Variants in FAM220A observed in about 807,000 individuals in gnomAD.
FAM220A encodes protein FAM220A.
For missense variants in FAM220A, 392 were observed against 321.6 expected, an observed-to-expected ratio of 1.22 and a Z score of -1.68; for synonymous variants, 141 against 130.7, an observed-to-expected ratio of 1.08 and a Z score of -0.54.
chr7:6,334,052 T>A (rs959702603), intron 1 of FAM220A, among the ~76,000 whole-genome samples: 1 of 151,040 alleles, frequency 6.6e-6, no homozygotes, highest in Non-Finnish European at 1.5e-5. Context: ...TTCACCATGT[T>A]AGCCAGGATG....
intron 1 of FAM220A, among the ~76,000 whole-genome samples, chr7:6,343,853 C>A (rs1208951204): frequency 1.3e-5 from 2 of 152,046 alleles, no homozygotes; most frequent in African/African-American, 4.8e-5. Flanking sequence ...CCTTATTACT[C>A]ATGAAACAGA....
intron 1 of FAM220A, among the ~76,000 whole-genome samples, chr7:6,347,886 A>G (rs374442934): frequency 1.6e-5 from 1 of 61,678 alleles, no homozygotes. Context: ...AGACCCCTTT[A>G]TTATTATTAT....
intron 1 of FAM220A, among the ~76,000 whole-genome samples, chr7:6,342,435 C>G (rs986124172): frequency 6.6e-6 from 1 of 151,852 alleles, no homozygotes; most frequent in Non-Finnish European, 1.5e-5. Flanking sequence ...ATCCCAGCTA[C>G]TCGGGAGGCA....
At position 6,348,803 on chromosome 7, in the gene FAM220A, G is replaced by A. The variant is rs1463135446; in HGVS notation, c.-312C>T. The A allele has an allele frequency of 5.0e-6, 2 of 396,074 alleles. No homozygotes were observed. The highest frequency in any genetic ancestry group is 4.1e-5 in the African/African-American group (2 of 48,456). 24.5% of individuals were successfully genotyped at this position (396,074 alleles called of 1,614,324 possible). ...CAGCCCCCCCGCCCGCCCTCTCCGC[G>A]CCGCGTCGCCCCGGCAGCTGACCCT... On this transcript the variant is annotated 5_prime_UTR_variant, in exon 1 of 2. Coordinates refer to ENST00000313324, the MANE Select transcript of FAM220A (RefSeq NM_001037163.2).
intron 1 of FAM220A, among the ~76,000 whole-genome samples, chr7:6,344,681 A>G (rs1162995025): frequency 1.3e-5 from 2 of 151,918 alleles, no homozygotes; most frequent in Non-Finnish European, 2.9e-5. Context: ...GGACTCCCAA[A>G]GTGCTGGGAT....
At chr7:6,335,916 T>C (rs982404965) in intron 1 of FAM220A, among the ~76,000 whole-genome samples, 20 of 152,038 alleles carry the variant, frequency 1.3e-4, no homozygotes, top group African/African-American at 4.6e-4. Context: ...CTCACACCTG[T>C]AATCCCAGCA....
Position 6,330,615 on chromosome 7 carries a change from G to C in FAM220A, c.540C>G (p.Gly180=). 1 of 1,614,144 alleles carries C rather than the reference G, an allele frequency of 6.2e-7. No homozygotes were observed. Among genetic ancestry groups the C allele is most frequent in the South Asian group, 1.1e-5 (1 of 91,080 alleles). The change falls in exon 2 of 2, where the codon GGC becomes GGG. Residue 180 remains glycine, a synonymous_variant. Coordinates refer to ENST00000313324, the MANE Select transcript of FAM220A (RefSeq NM_001037163.2). ...DPPSAFPKGL[G]SELEPACLHS... is the part of the protein sequence containing the mutation. ...GCAGGCAAGCGGGTTCCAACTCAGA[G>C]CCCAGACCCTTGGGAAAAGCACTTG...
At chr7:6,346,574 T>C (rs921273307) in intron 1 of FAM220A, among the ~76,000 whole-genome samples, 3 of 151,970 alleles carry the variant, frequency 2.0e-5, no homozygotes, top group Non-Finnish European at 4.4e-5. Context: ...AGAGACAGGG[T>C]TTCACCCTGT....
intron 1 of FAM220A, among the ~76,000 whole-genome samples, chr7:6,345,604 T>C (rs1438054148): frequency 6.6e-6 from 1 of 152,104 alleles, no homozygotes; most frequent in Non-Finnish European, 1.5e-5. Context: ...AACAGCATCA[T>C]GTAGCAGGTT....
intron 1 of FAM220A, among the ~76,000 whole-genome samples, chr7:6,333,735 C>G (rs1029242244): frequency 2.7e-5 from 4 of 148,232 alleles, no homozygotes; most frequent in African/African-American, 1.0e-4. Flanking sequence ...AAGTGCACTT[C>G]GAAGAGATCC....
At chr7:6,343,980 G>T (rs147544874) in intron 1 of FAM220A, among the ~76,000 whole-genome samples, 2 of 152,056 alleles carry the variant, frequency 1.3e-5, no homozygotes, top group African/African-American at 4.8e-5. Context: ...TGAACTCCCA[G>T]GCACAGGTGA....
chr7:6,344,292 A>G (rs900401012), intron 1 of FAM220A, among the ~76,000 whole-genome samples: 38 of 152,198 alleles, frequency 2.5e-4, no homozygotes, highest in African/African-American at 8.4e-4. Flanking sequence ...CAAAAACTCT[A>G]AAACCTGCAG....
chr7:6,330,314 G>T lies in FAM220A; in HGVS notation c.*61C>A, dbSNP rs145117464. The T allele has an allele frequency of 1.1e-5, 17 of 1,492,240 alleles. No homozygotes were observed. The highest frequency in any genetic ancestry group is 1.5e-5 in the Non-Finnish European group (16 of 1,099,758). 92.4% of individuals were successfully genotyped at this position (1,492,240 alleles called of 1,614,324 possible). A position where few individuals can be genotyped will look rare whatever the true frequency, so the allele number is the denominator to read the frequency against. ...CACAGTTTGCATCCAGACTTAATGC[G>T]AAAGAAATCATTCTAAGACAACTCT... On this transcript the variant is annotated 3_prime_UTR_variant, in exon 2 of 2. Transcript: ENST00000313324.
intron 1 of FAM220A, among the ~76,000 whole-genome samples, chr7:6,343,587 A>G (rs1298698976): frequency 6.6e-6 from 1 of 151,732 alleles, no homozygotes; most frequent in Non-Finnish European, 1.5e-5. Flanking sequence ...TATTGATTCC[A>G]TTTAACTGCC....
chr7:6,346,982 G>T (rs1781963623), intron 1 of FAM220A, among the ~76,000 whole-genome samples: 1 of 152,124 alleles, frequency 6.6e-6, no homozygotes, highest in African/African-American at 2.4e-5. Flanking sequence ...GACTTGGCCA[G>T]CTTTCTTTGA....
At chr7:6,336,202 TG>T (rs1781742623) in intron 1 of FAM220A, among the ~76,000 whole-genome samples, 1 of 147,254 alleles carries the variant, frequency 6.8e-6, no homozygotes, top group African/African-American at 2.5e-5. Context: ...AAAGATTAGC[TG>T]GGGGTGGTGG....
chr7:6,347,538 A>G (rs1438232397), intron 1 of FAM220A, among the ~76,000 whole-genome samples: 3 of 151,670 alleles, frequency 2.0e-5, no homozygotes, highest in African/African-American at 7.3e-5. Flanking sequence ...AAGAGATACC[A>G]ATTTTTTACA....
Position 6,330,568 on chromosome 7 carries a change from A to G in FAM220A, c.587T>C (p.Leu196Pro), listed in dbSNP as rs1368153684. The G allele has an allele frequency of 1.2e-6, 2 of 1,614,078 alleles. No individual in the cohort carries two copies. The highest frequency in any genetic ancestry group is 1.3e-5 in the African/African-American group (1 of 74,940). Residue 196 changes from leucine to proline, a missense_variant, in exon 2 of 2, where the codon CTG (leucine) becomes CCG (proline). By Grantham distance (98) the Leu-to-Pro change is moderately conservative. Transcript: ENST00000313324. ...CAGGAGCACTTCGGGATACACGTGC[A>G]GCGTTGCAGACAGGATGGAGTGCAG... Reference protein sequence around the residue: ...ACLHSILSATLHVYPEVLLSE... With the variant: ...ACLHSILSATPHVYPEVLLSE...
At chr7:6,336,545 G>T (rs1284164417) in intron 1 of FAM220A, among the ~76,000 whole-genome samples, 2 of 151,882 alleles carry the variant, frequency 1.3e-5, no homozygotes, top group East Asian at 3.9e-4. Context: ...GCTGGGTATG[G>T]TTGCACATGC....
Sources: allele counts gnomAD v4.1 joint callset (sites outside exome capture counted in the v4.1 genomes callset), GRCh38; gene constraint gnomAD v4.1.1; transcripts MANE v1.5; gene names NCBI Gene and HGNC (gene_info 2026-07-23, HGNC 2026-07-21).